KIF13A: variants seen among roughly 807,000 people sequenced by gnomAD.
The protein encoded by KIF13A is kinesin family member 13A, also known as kinesin-like protein KIF13A.
In KIF13A, 79 loss-of-function variants were observed where a neutral mutation model predicts 212.2. The ratio of observed to expected loss-of-function variants is 0.37; its 90% CI spans 0.31 to 0.45. KIF13A has a LOEUF of 0.45. Ranked by LOEUF, KIF13A falls within the 20% of genes least tolerant of loss-of-function variation. The probability of loss-of-function intolerance (pLI) is 1.00; values close to 1 mark genes in which losing one functional copy is unlikely to be tolerated. For missense variants in KIF13A, 1,901 were observed against 2,209.0 expected (o/e 0.86, Z 2.79); for synonymous variants, 789 against 808.6 (o/e 0.98, Z 0.41).
intron 2 of KIF13A, among the ~76,000 whole-genome samples, chr6:17,941,278 A>T (rs991838214): frequency 5.9e-5 from 9 of 152,174 alleles, no homozygotes; most frequent in Non-Finnish European, 1.3e-4. Context: ...ACTCTGCCCT[A>T]ATTATATCAA....
intron 12 of KIF13A, among the ~76,000 whole-genome samples, 160 bp from the exon 13 acceptor site, chr6:17,831,395 C>T (rs1765436220): frequency 6.6e-6 from 1 of 152,044 alleles, no homozygotes; most frequent in African/African-American, 2.4e-5. Flanking sequence ...CAGTGCATGA[C>T]ATCTTGTGGC....
Position 17,764,643 on chromosome 6 carries a change from C to T in KIF13A, c.4885G>A (p.Asp1629Asn). The change falls in exon 39 of 39, where the codon GAT becomes AAT. Residue 1629 changes from aspartate to asparagine, a missense_variant. Asp to Asn is a conservative substitution (Grantham distance 23, BLOSUM62 1). Transcript: ENST00000259711. This position sits in a 1 kb window ranked among gnomAD's most constrained non-coding sequence, Gnocchi z 5.1. Reference protein sequence around the residue: ...SSDQLAIQTKDADSTEHSTPS... With the variant: ...SSDQLAIQTKNADSTEHSTPS... ...GTGGAGTGCTCGGTGGAGTCTGCATCCTTCGTCTGAATGGCCAGCTGGTCT... is the reference window on the plus strand; with the variant it reads ...GTGGAGTGCTCGGTGGAGTCTGCATTCTTCGTCTGAATGGCCAGCTGGTCT... The T allele has an allele frequency of 6.2e-7, 1 of 1,613,496 alleles. No individual in the cohort carries two copies. Among genetic ancestry groups the T allele is most frequent in the African/African-American group, 1.3e-5 (1 of 74,854 alleles).
intron 2 of KIF13A, among the ~76,000 whole-genome samples, chr6:17,909,203 T>C (rs563049101): frequency 1.3e-5 from 2 of 152,284 alleles, no homozygotes; most frequent in Admixed American, 6.5e-5. Context: ...AGCTGAAGAA[T>C]GACAGAACTT....
chr6:17,826,076 A>G lies in KIF13A; in HGVS notation c.1581T>C (p.His527=). ...TATTTCCCCATAGGATTCGGTCACC[A>G]TGCCACAGCTGGGTGGTACTGCACA... is the stretch of plus-strand genomic sequence containing the variant. ...TLVCSTTQLW[H]GDRILWGNNH... is the part of the protein sequence containing the mutation. Residue 527 remains histidine, a synonymous_variant, in exon 15 of 39, where the codon CAT becomes CAC. Coordinates refer to ENST00000259711, the MANE Select transcript of KIF13A (RefSeq NM_022113.6). This position sits in a 1 kb window ranked among gnomAD's most constrained non-coding sequence, Gnocchi z 4.7. 6.2e-7 allele frequency: 1 copy of G among 1,614,064 alleles called. No homozygotes were observed. The highest frequency in any genetic ancestry group is 8.5e-7 in the Non-Finnish European group (1 of 1,179,894).
intron 34 of KIF13A, 118 bp from the exon 35 acceptor site, chr6:17,775,180 C>T (rs1759844282): frequency 1.4e-6 from 1 of 729,476 alleles, no homozygotes; most frequent in African/African-American, 1.8e-5. Context: ...TTCTCCTCCT[C>T]TTTCTTCCCT....
chr6:17,977,114 C>CAAAAAA (rs398000718), intron 2 of KIF13A, among the ~76,000 whole-genome samples: 65 of 106,510 alleles, frequency 6.1e-4, no homozygotes, highest in East Asian at 8.5e-4. Context: ...AAAACAACAA[C>CAAAAAA]AAAAAAAAAA....
chr6:17,822,120 C>T (rs905490400), intron 16 of KIF13A, among the ~76,000 whole-genome samples: 3 of 149,718 alleles, frequency 2.0e-5, no homozygotes, highest in Admixed American at 6.8e-5. Context: ...GCTCTAACTG[C>T]GGCCTCCACC....
chr6:17,833,168 T>A (rs550414024), intron 12 of KIF13A, among the ~76,000 whole-genome samples: 1 of 151,878 alleles, frequency 6.6e-6, no homozygotes. Flanking sequence ...AAACTGTACA[T>A]TGATAAAAAG....
chr6:17,890,790 C>CTAACAATAATAATAA (rs1554110568), intron 3 of KIF13A, among the ~76,000 whole-genome samples: 1 of 139,138 alleles, frequency 7.2e-6, no homozygotes. Context: ...CTATGCCCAG[C>CTAACAATAATAATAA]TAATAATAAT....
chr6:17,901,210 G>GC (rs988473584), intron 2 of KIF13A, among the ~76,000 whole-genome samples: 2 of 151,566 alleles, frequency 1.3e-5, no homozygotes, highest in Non-Finnish European at 2.9e-5. Context: ...CAAGGTTACT[G>GC]CCCCAAACTC....
chr6:17,917,235 C>CTTTTTTTTT (rs71002284), intron 2 of KIF13A, among the ~76,000 whole-genome samples: 2 of 79,098 alleles, frequency 2.5e-5, no homozygotes, highest in East Asian at 7.1e-4. Flanking sequence ...TTACACGATT[C>CTTTTTTTTT]TTTTTTTTTT....
chr6:17,949,681 T>C (rs537881054), intron 2 of KIF13A, among the ~76,000 whole-genome samples: 10 of 152,234 alleles, frequency 6.6e-5, no homozygotes, highest in South Asian at 2.1e-4. Flanking sequence ...CTCTTAGAAA[T>C]TGTATATGCA....
intron 2 of KIF13A, among the ~76,000 whole-genome samples, chr6:17,923,274 CTAAATAAATAAATAAA>C (rs34093488): frequency 8.2e-5 from 12 of 145,520 alleles, no homozygotes; most frequent in East Asian, 2.0e-4. Context: ...AACACTGTCC[CTAAATAAATAAATAAA>C]TAAATAAATA....
intron 4 of KIF13A, among the ~76,000 whole-genome samples, chr6:17,869,310 C>A (rs748108271): frequency 3.9e-5 from 6 of 152,148 alleles, no homozygotes; most frequent in Non-Finnish European, 7.3e-5. Context: ...ATTGCATTTT[C>A]TTTCCAAAGT....
chr6:17,938,721 C>G (rs975787902), intron 2 of KIF13A, among the ~76,000 whole-genome samples: 8 of 151,906 alleles, frequency 5.3e-5, no homozygotes, highest in African/African-American at 1.9e-4. Context: ...ATGGTACTTA[C>G]AAATCTCTTT....
In KIF13A at chr6:17,780,831, T is replaced by C; in HGVS notation, c.3745A>G (p.Arg1249Gly). ...GTGGTTTTCACAATTAGGTAAATCC[T>C]TTCATTCTGTGGTGTGACCCTATTC... is the stretch of plus-strand genomic sequence containing the variant. ...HLNRVTPQNE[R>G]IYLIVKTTVQ... The change falls in exon 31 of 39, where the codon AGG becomes GGG. Residue 1249 changes from arginine to glycine, a missense_variant. Transcript: ENST00000259711. 6.2e-7 allele frequency: 1 copy of C among 1,613,948 alleles called. No homozygotes were observed. The highest frequency in any genetic ancestry group is 8.5e-7 in the Non-Finnish European group (1 of 1,179,828).
chr6:17,985,632 C>CCGGGGGGGGGGGGG (rs112580662), intron 2 of KIF13A, among the ~76,000 whole-genome samples: 1 of 38,186 alleles, frequency 2.6e-5, no homozygotes. Context: ...ATGCAGTTTG[C>CCGGGGGGGGGGGGG]GGGGGGGTGG....
In KIF13A at chr6:17,934,075, A is replaced by AT. The variant is rs894717359; in HGVS notation, c.147-35896dup. Among the ~76,000 whole-genome samples, 30 of 151,422 alleles carry AT rather than the reference A, an allele frequency of 2.0e-4. No homozygotes were observed. Among genetic ancestry groups the AT allele is most frequent in the Admixed American group, 4.0e-4 (6 of 15,166 alleles). ...AATTGTGTCGTTAGGGTCAACTTTT[A>AT]TTTTTTTTTGAAGAATGCGAAAAAG... On this transcript the variant is annotated intron_variant, in intron 2 of 38. Transcript: ENST00000259711. This position sits in a 1 kb window ranked among gnomAD's most constrained non-coding sequence, Gnocchi z 5.4.
Position 17,809,376 on chromosome 6 carries a change from T to C in KIF13A, c.2001-446A>G, listed in dbSNP as rs1763240350. 6.6e-6 allele frequency among the ~76,000 whole-genome samples: 1 copy of C among 152,180 alleles called. No homozygotes were observed. Among genetic ancestry groups the C allele is most frequent in the South Asian group, 2.1e-4 (1 of 4,832 alleles). Reference sequence around the variant, plus strand: ...TGGCAAAAGGCATGCAATGGTAAGGTAGTTCTGCAGTAGCAGGAATTCTTC... The same window carrying C: ...TGGCAAAAGGCATGCAATGGTAAGGCAGTTCTGCAGTAGCAGGAATTCTTC... On this transcript the variant is annotated intron_variant, in intron 17 of 38. Coordinates refer to ENST00000259711, the MANE Select transcript of KIF13A (RefSeq NM_022113.6). This position sits in a 1 kb window ranked among gnomAD's most constrained non-coding sequence, Gnocchi z 4.7.
Sources: allele counts gnomAD v4.1 joint callset (sites outside exome capture counted in the v4.1 genomes callset), GRCh38; gene constraint gnomAD v4.1.1; non-coding constraint Gnocchi (gnomAD v3.1); transcripts MANE v1.5; gene names NCBI Gene and HGNC (gene_info 2026-07-23, HGNC 2026-07-21).